The following DGKH variants were observed in gnomAD, a reference collection of about 807,000 sequenced individuals.
DGKH encodes DAG kinase eta.
Under a neutral mutation model 159.3 loss-of-function variants are expected in DGKH, and 90 were observed. The ratio of observed to expected loss-of-function variants is 0.57; its 90% confidence interval spans 0.48 to 0.67. The LOEUF (loss-of-function observed/expected upper bound fraction) is 0.67, where lower values mean the gene tolerates loss of function less well. Among genes scored for constraint, DGKH ranks in the 30% least tolerant of loss-of-function variants. The pLI is 0.00. For synonymous variants in DGKH, 536 were observed against 553.8 expected (o/e 0.97, Z 0.45); for missense variants, 1,181 against 1,506.1 (o/e 0.78, Z 3.57).
chr13:42,184,948 CTA>C (rs2138088206), intron 13 of DGKH, among the ~76,000 whole-genome samples: 1 of 151,432 alleles, frequency 6.6e-6, no homozygotes, highest in South Asian at 2.1e-4. Flanking sequence ...TTTTTAATCT[CTA>C]TGGGAAAATC....
rs1957515758 is a variant in DGKH, at chr13:42,207,119, C to CCT, written c.2601+973_2601+974insCT. 7.3e-5 allele frequency among the ~76,000 whole-genome samples: 2 copies of CCT among 27,452 alleles called. 1 individual carries two copies. The highest frequency in any genetic ancestry group is 2.7e-4 in the African/African-American group (2 of 7,506). The allele number at this position is 27,452 out of a possible 152,430, so 18.0% of individuals were successfully genotyped here. On this transcript the variant is annotated intron_variant, in intron 21 of 29. Coordinates refer to ENST00000337343, the MANE Select transcript of DGKH (RefSeq NM_178009.5). ...TTTCTTTCTTTCTTTCTTTCTCTTTCTCTCTCCTTCCTTCCTTCCTTCCTT... is the reference window on the plus strand; with the variant it reads ...TTTCTTTCTTTCTTTCTTTCTCTTTCCTTCTCTCCTTCCTTCCTTCCTTCCTT...
chr13:42,046,881 A>G (rs9532979), upstream of DGKH, among the ~76,000 whole-genome samples: 56,382 of 152,142 alleles, frequency 0.37, 11,487 homozygotes, highest in African/African-American at 0.55. Context: ...TTAAAGGAGA[A>G]GACTAAACTA....
intron 1 of DGKH, among the ~76,000 whole-genome samples, chr13:42,053,436 CTA>C (rs1881480433): frequency 6.9e-6 from 1 of 145,226 alleles, no homozygotes; most frequent in African/African-American, 2.5e-5. Flanking sequence ...CTATATGTAG[CTA>C]TATATAACTA....
chr13:42,128,993 A>G (rs565459957), intron 2 of DGKH, among the ~76,000 whole-genome samples: 98 of 152,366 alleles, frequency 6.4e-4, no homozygotes, highest in African/African-American at 2.4e-3. Context: ...TTTATTGACT[A>G]GGATTTCCTA....
At chr13:42,193,364 TAGAC>T (rs773884805) in intron 16 of DGKH, among the ~76,000 whole-genome samples, 7 of 152,210 alleles carry the variant, frequency 4.6e-5, no homozygotes, top group African/African-American at 7.2e-5. Context: ...GATATTGAAA[TAGAC>T]AGAGATTTAG....
chr13:42,159,244 C>CTTT lies in DGKH; in HGVS notation c.623-5_623-3dup, dbSNP rs57531279. The CTTT allele has an allele frequency of 7.0e-3, 1,506 of 215,172 alleles. 97 individuals are homozygous for CTTT. The highest frequency in any genetic ancestry group is 0.036 in the African/African-American group (942 of 26,320). The allele number at this position is 215,172 out of a possible 1,614,324, so 13.3% of individuals were successfully genotyped here. A position where few individuals can be genotyped will look rare whatever the true frequency, so the allele number is the denominator to read the frequency against. On this transcript the variant is annotated intron_variant, in intron 5 of 29. Coordinates refer to ENST00000337343, the MANE Select transcript of DGKH (RefSeq NM_178009.5). ...TCTTGTCCACTTAAAAGCAGTTGCT[C>CTTT]TTTTTTTTTTTTTTTTTTTAGTGTG...
intron 1 of DGKH, among the ~76,000 whole-genome samples, chr13:42,063,875 G>A (rs1882364263): frequency 6.6e-6 from 1 of 151,930 alleles, no homozygotes; most frequent in African/African-American, 2.4e-5. Flanking sequence ...GAAGGCGGAG[G>A]TTGTGGTGAG....
intron 1 of DGKH, chr13:42,071,078 C>G (rs1444400794): frequency 1.8e-6 from 2 of 1,127,816 alleles, no homozygotes; most frequent in East Asian, 4.9e-5. Flanking sequence ...ATGAGACTTT[C>G]AAATTTCTCT....
At chr13:42,081,279 G>A (rs549695896) in intron 1 of DGKH, among the ~76,000 whole-genome samples, 1 of 151,852 alleles carries the variant, frequency 6.6e-6, no homozygotes, top group East Asian at 1.9e-4. Context: ...GCCCAGGCTG[G>A]AGTGCAGCGG....
intron 20 of DGKH, among the ~76,000 whole-genome samples, chr13:42,201,244 G>T (rs2138159999): frequency 6.6e-6 from 1 of 152,226 alleles, no homozygotes; most frequent in Non-Finnish European, 1.5e-5. Flanking sequence ...GCCCGCCTCG[G>T]CCTTCCAAAG....
At chr13:42,041,970 T>A (rs917398352) in intron 1 of DGKH, among the ~76,000 whole-genome samples, 1 of 152,204 alleles carries the variant, frequency 6.6e-6, no homozygotes, top group African/African-American at 2.4e-5. Context: ...CTTTTTCTTT[T>A]CTAGTATATA....
chr13:42,102,718 G>A lies in DGKH; in HGVS notation c.193-24745G>A, dbSNP rs1268458291. 3.3e-5 allele frequency among the ~76,000 whole-genome samples: 5 copies of A among 152,198 alleles called. No homozygotes were observed. The East Asian group carries it at 7.7e-4, about 23-fold the overall frequency. ...TAGAGTTTGGAATTGGGGCCTGGAC[G>A]TTTTCCCTACTGAAATGTAACATGT... is the stretch of plus-strand genomic sequence containing the variant. On this transcript the variant is annotated intron_variant, in intron 1 of 29. Transcript: ENST00000337343.
intron 1 of DGKH, among the ~76,000 whole-genome samples, chr13:42,093,514 C>T (rs561554044): frequency 1.3e-5 from 2 of 152,236 alleles, no homozygotes; most frequent in African/African-American, 4.8e-5. Flanking sequence ...TGGTAATATA[C>T]TCAAAAGAAT....
At position 42,117,907 on chromosome 13, in the gene DGKH, T is replaced by A. The variant is rs985399571; in HGVS notation, c.193-9556T>A. Among the ~76,000 whole-genome samples the A allele has an allele frequency of 2.0e-5, 3 of 152,124 alleles. 1 individual carries two copies. The highest frequency in any genetic ancestry group is 4.1e-4 in the South Asian group (2 of 4,824). ...TGAAAAGAAACAGCCTGAAATCTGC[T>A]GAACCCTGGAAACCATAAAGGCATT... is the stretch of plus-strand genomic sequence containing the variant. On this transcript the variant is annotated intron_variant, in intron 1 of 29. Coordinates refer to ENST00000337343, the MANE Select transcript of DGKH (RefSeq NM_178009.5).
intron 8 of DGKH, 91 bp downstream of exon 8, chr13:42,165,524 A>G: frequency 3.1e-6 from 2 of 650,502 alleles, no homozygotes; most frequent in South Asian, 8.5e-5. Context: ...TATGATGGTA[A>G]TTGACTATTG....
chr13:42,064,583 G>C (rs1316474211), intron 1 of DGKH, among the ~76,000 whole-genome samples: 1 of 152,188 alleles, frequency 6.6e-6, no homozygotes, highest in Admixed American at 6.5e-5. Flanking sequence ...CCATGGGACT[G>C]AGCAGCTGAG....
intron 21 of DGKH, among the ~76,000 whole-genome samples, chr13:42,207,726 T>C (rs1345100274): frequency 7.9e-6 from 1 of 126,476 alleles, no homozygotes; most frequent in Non-Finnish European, 1.8e-5. Flanking sequence ...TCAGTAAAAA[T>C]GAGAAGTGTT....
chr13:42,112,002 G>A (rs1279097048), intron 1 of DGKH, among the ~76,000 whole-genome samples: 1 of 152,212 alleles, frequency 6.6e-6, no homozygotes, highest in East Asian at 1.9e-4. Context: ...ACCCTGGCAT[G>A]CCCTGCACAG....
At chr13:42,220,315 G>A (rs1008424087) in intron 28 of DGKH, among the ~76,000 whole-genome samples, 6 of 151,894 alleles carry the variant, frequency 4.0e-5, no homozygotes, top group African/African-American at 1.5e-4. Context: ...TCAACCCCTC[G>A]ACAATGACAA....
Sources: gnomAD v4.1 joint callset for allele counts (sites outside exome capture counted in the v4.1 genomes callset) on GRCh38, gnomAD v4.1.1 for gene constraint, MANE v1.5 for transcripts, NCBI Gene and HGNC (gene_info 2026-07-23, HGNC 2026-07-21) for gene names.